UBE3D: variants seen among roughly 807,000 people sequenced by gnomAD.
UBE3D encodes the protein ubiquitin protein ligase E3D.
In UBE3D, 48 loss-of-function variants were observed where a neutral mutation model predicts 49.6. The observed-to-expected ratio is 0.97, with a 90% CI of 0.77 to 1.23. The LOEUF is 1.23. Among genes scored for constraint, UBE3D ranks in the 50% most tolerant of loss-of-function variants. The probability of loss-of-function intolerance (pLI) is 0.00; values close to 1 mark genes in which losing one functional copy is unlikely to be tolerated. For synonymous variants in UBE3D, 189 were observed against 174.2 expected, an observed-to-expected ratio of 1.08 and a Z score of -0.67; for missense variants, 452 against 468.4, an observed-to-expected ratio of 0.96 and a Z score of 0.32.
chr6:83,006,325 T>C (rs1779977323), intron 8 of UBE3D, among the ~76,000 whole-genome samples: 1 of 152,192 alleles, frequency 6.6e-6, no homozygotes, highest in South Asian at 2.1e-4. Flanking sequence ...TGTCCTTGTA[T>C]TTGGAGATAG....
intron 1 of UBE3D, among the ~76,000 whole-genome samples, chr6:83,058,773 C>T (rs182340604): frequency 6.6e-6 from 1 of 152,040 alleles, no homozygotes; most frequent in East Asian, 1.9e-4. Flanking sequence ...TTGGTTAGGC[C>T]TTAGAAATCT....
At chr6:82,903,940 A>G (rs571184583) in intron 9 of UBE3D, among the ~76,000 whole-genome samples, 1 of 152,250 alleles carries the variant, frequency 6.6e-6, no homozygotes, top group South Asian at 2.1e-4. Flanking sequence ...TGGAAGGCAA[A>G]GGGCGTTCTT....
chr6:82,990,997 A>G (rs1011872995), intron 8 of UBE3D, among the ~76,000 whole-genome samples: 15 of 152,156 alleles, frequency 9.9e-5, no homozygotes, highest in African/African-American at 3.6e-4. Flanking sequence ...AGTTGTCCAC[A>G]GGCCGGATGG....
chr6:83,018,026 T>C (rs1440571957), intron 8 of UBE3D: 1 of 152,164 alleles, frequency 6.6e-6, no homozygotes, highest in Non-Finnish European at 1.5e-5. Flanking sequence ...AACAAACGTT[T>C]TACTTCTGGA....
At chr6:83,024,694 G>A (rs1781333333) in intron 5 of UBE3D, among the ~76,000 whole-genome samples, 1 of 152,074 alleles carries the variant, frequency 6.6e-6, no homozygotes. Flanking sequence ...GATGTTTTGG[G>A]TCTTCTAGAA....
At chr6:83,014,990 T>C (rs547997899) in intron 8 of UBE3D, among the ~76,000 whole-genome samples, 24 of 152,330 alleles carry the variant, frequency 1.6e-4, no homozygotes, top group Non-Finnish European at 3.1e-4. Flanking sequence ...ACGAGTCAGA[T>C]TATTCTGATT....
At chr6:82,985,008 C>CCT (rs1442501883) in intron 8 of UBE3D, among the ~76,000 whole-genome samples, 3,749 of 53,428 alleles carry the variant, frequency 0.07, 187 homozygotes, top group Non-Finnish European at 0.09. Context: ...TCTTCTTCTT[C>CCT]TTTTTTTTTT....
intron 6 of UBE3D, among the ~76,000 whole-genome samples, chr6:83,022,837 T>C (rs1781201419): frequency 7.1e-6 from 1 of 141,426 alleles, no homozygotes. Flanking sequence ...AATAAAAAAA[T>C]ACCATGTTAG....
At chr6:82,951,556 G>A (rs1404858785) in intron 9 of UBE3D, among the ~76,000 whole-genome samples, 1 of 152,190 alleles carries the variant, frequency 6.6e-6, no homozygotes, top group Non-Finnish European at 1.5e-5. Context: ...CAATCCTTAA[G>A]TTAGGGGAGA....
At chr6:83,046,696 G>GGGGAGC (rs1783083330) in intron 3 of UBE3D, among the ~76,000 whole-genome samples, 1 of 148,182 alleles carries the variant, frequency 6.7e-6, no homozygotes, top group South Asian at 2.2e-4. Flanking sequence ...GGTGGCACCG[G>GGGGAGC]GGGAGCAGTA....
chr6:83,016,606 C>CAT (rs199506063), intron 8 of UBE3D, among the ~76,000 whole-genome samples: 6 of 151,506 alleles, frequency 4.0e-5, no homozygotes, highest in African/African-American at 4.8e-5. Context: ...GATATATAGA[C>CAT]ATATATATAT....
intron 5 of UBE3D, among the ~76,000 whole-genome samples, chr6:83,035,707 T>C (rs1782198740): frequency 6.6e-6 from 1 of 152,218 alleles, no homozygotes; most frequent in African/African-American, 2.4e-5. Context: ...TTAATTACAG[T>C]GGGTACTTAG....
chr6:82,994,061 G>A (rs1779079830), intron 8 of UBE3D, among the ~76,000 whole-genome samples: 1 of 152,156 alleles, frequency 6.6e-6, no homozygotes, highest in Non-Finnish European at 1.5e-5. Context: ...TAGGGAAACA[G>A]GAGCAAAACA....
Position 83,024,818 on chromosome 6 carries a change from G to A in UBE3D, c.668-780C>T, listed in dbSNP as rs1054770365. On this transcript the variant is annotated intron_variant, in intron 5 of 9. Coordinates refer to ENST00000369747, the MANE Select transcript of UBE3D (RefSeq NM_198920.3). ...GAGAAAGGCCATGGTTCCCTTTGTG[G>A]AAGCCTGGGAGAAAGATTAACGGTA... is the stretch of plus-strand genomic sequence containing the variant. Among the ~76,000 whole-genome samples, 11 of 152,124 alleles carry A rather than the reference G, an allele frequency of 7.2e-5. No individual in the cohort carries two copies. In the East Asian group the frequency reaches 1.4e-3, roughly 19 times the overall value.
chr6:82,885,517 A>AT, the UBE3D span, among the ~76,000 whole-genome samples: 29 of 152,166 alleles, frequency 1.9e-4, no homozygotes, highest in African/African-American at 6.5e-4. Flanking sequence ...GACAAATGCT[A>AT]TTTTTTTACC....
chr6:83,031,751 T>A (rs892422644), intron 5 of UBE3D, among the ~76,000 whole-genome samples: 7 of 152,176 alleles, frequency 4.6e-5, no homozygotes, highest in African/African-American at 1.7e-4. Context: ...CCTGGAGGCC[T>A]AGAGGGAAAA....
intron 5 of UBE3D, 58 bp downstream of exon 5, chr6:83,038,358 C>A: frequency 1.5e-6 from 2 of 1,328,700 alleles, no homozygotes; most frequent in South Asian, 1.2e-5. Context: ...TATAAAATAT[C>A]ATTCTGGCTT....
chr6:83,056,757 C>A (rs1251756619), intron 2 of UBE3D, among the ~76,000 whole-genome samples: 1 of 152,180 alleles, frequency 6.6e-6, no homozygotes, highest in Non-Finnish European at 1.5e-5. Context: ...AATGGCTCTT[C>A]CAAACACTCC....
chr6:82,912,638 T>C (rs1236594849), intron 9 of UBE3D, among the ~76,000 whole-genome samples: 1 of 152,286 alleles, frequency 6.6e-6, no homozygotes, highest in East Asian at 1.9e-4. Flanking sequence ...TGATGTTTTG[T>C]TCCTGAAATA....
Sources: allele counts gnomAD v4.1 joint callset (sites outside exome capture counted in the v4.1 genomes callset), GRCh38; gene constraint gnomAD v4.1.1; transcripts MANE v1.5; gene names NCBI Gene and HGNC (gene_info 2026-07-23, HGNC 2026-07-21).